CCDC170: variants seen among roughly 807,000 people sequenced by gnomAD.
The protein encoded by CCDC170 is coiled-coil domain containing 170.
CCDC170 carries 69 observed loss-of-function variants against 72.6 expected under a neutral mutation model. The observed-to-expected ratio is 0.95, with a 90% CI of 0.78 to 1.16. The LOEUF (loss-of-function observed/expected upper bound fraction) is 1.16, where lower values mean the gene tolerates loss of function less well. CCDC170 is among the 50% of genes most tolerant of loss of function. The pLI is 0.00. For missense variants in CCDC170, 852 were observed against 832.5 expected, an observed-to-expected ratio of 1.02 and a Z score of -0.29; for synonymous variants, 300 against 303.9, an observed-to-expected ratio of 0.99 and a Z score of 0.13.
intron 5 of CCDC170, among the ~76,000 whole-genome samples, chr6:151,562,846 T>C (rs982969758): frequency 4.6e-5 from 7 of 152,050 alleles, no homozygotes; most frequent in African/African-American, 1.7e-4. Flanking sequence ...TGTTGAGGTG[T>C]AGGTGTGCTG....
rs185725464 is a variant in CCDC170 at position 151,513,347 on chromosome 6, C to T, written c.57+19162C>T. Among the ~76,000 whole-genome samples, 24 of 152,204 alleles carry T rather than the reference C, an allele frequency of 1.6e-4. No homozygotes were observed. The East Asian group carries it at 3.1e-3, about 20-fold the overall frequency. ...TGCATCAGACAGGGATGGTGGCTCA[C>T]GCCTGTAATCCCAGCACTTTGGGAT... is the stretch of plus-strand genomic sequence containing the variant. On this transcript the variant is annotated intron_variant, in intron 1 of 10. Transcript: ENST00000239374.
At chr6:151,591,188 G>T (rs974622621) in intron 7 of CCDC170, among the ~76,000 whole-genome samples, 1 of 152,126 alleles carries the variant, frequency 6.6e-6, no homozygotes, top group African/African-American at 2.4e-5. Flanking sequence ...GCAGGAAGTT[G>T]TACCTATTTA....
chr6:151,577,743 C>T (rs1052589732), intron 6 of CCDC170, among the ~76,000 whole-genome samples: 2 of 152,138 alleles, frequency 1.3e-5, no homozygotes, highest in South Asian at 2.1e-4. Flanking sequence ...GGTGGGCGAG[C>T]GAGCATTGCT....
At chr6:151,494,276 C>T (rs1781877681) in intron 1 of CCDC170, 91 bp downstream of exon 1, 1 of 1,297,704 alleles carries the variant, frequency 7.7e-7, no homozygotes, top group Admixed American at 3.2e-5. Flanking sequence ...GCACCCTTTT[C>T]CTCCCGGAGG....
chr6:151,593,051 A>G, intron 7 of CCDC170, 56 bp from the exon 8 acceptor site: 1 of 1,550,002 alleles, frequency 6.5e-7, no homozygotes, highest in Non-Finnish European at 8.9e-7. Context: ...ATTCTGTGAG[A>G]TCACTCATTA....
intron 9 of CCDC170, among the ~76,000 whole-genome samples, chr6:151,602,304 A>G (rs1014361452): frequency 2.0e-5 from 3 of 152,216 alleles, no homozygotes; most frequent in African/African-American, 7.2e-5. Flanking sequence ...AAATAATTTT[A>G]TTATATTTAC....
intron 9 of CCDC170, among the ~76,000 whole-genome samples, chr6:151,600,261 G>T (rs1193339171): frequency 6.6e-5 from 10 of 152,152 alleles, no homozygotes; most frequent in Admixed American, 6.5e-4. Flanking sequence ...ATTGCCTTAA[G>T]CTTGTCCCTG....
At chr6:151,609,573 T>C (rs908923060) in intron 9 of CCDC170, among the ~76,000 whole-genome samples, 1 of 152,252 alleles carries the variant, frequency 6.6e-6, no homozygotes, top group Non-Finnish European at 1.5e-5. Flanking sequence ...GAACCTTCTC[T>C]GCCCTTGCTA....
At chr6:151,539,381 G>A (rs1386707827) in intron 3 of CCDC170, among the ~76,000 whole-genome samples, 2 of 152,186 alleles carry the variant, frequency 1.3e-5, no homozygotes, top group Non-Finnish European at 2.9e-5. Context: ...TAAATGGTCA[G>A]TCTTATCTTA....
chr6:151,615,046 G>A, intron 9 of CCDC170, among the ~76,000 whole-genome samples: 1 of 152,178 alleles, frequency 6.6e-6, no homozygotes, highest in Middle Eastern at 3.2e-3. Context: ...TAGAAGAGGG[G>A]ACATTTTGCT....
chr6:151,575,304 G>C (rs1776284576), intron 6 of CCDC170, among the ~76,000 whole-genome samples: 1 of 151,470 alleles, frequency 6.6e-6, no homozygotes, highest in South Asian at 2.1e-4. Flanking sequence ...TCAAAGTTCA[G>C]GGTTGCATTT....
At chr6:151,561,226 C>A (rs974299327) in intron 5 of CCDC170, among the ~76,000 whole-genome samples, 1 of 151,968 alleles carries the variant, frequency 6.6e-6, no homozygotes, top group Non-Finnish European at 1.5e-5. Context: ...TCCAATTATA[C>A]TCTTTTAGTT....
At chr6:151,531,130 C>T (rs1177657421) in intron 1 of CCDC170, among the ~76,000 whole-genome samples, 4 of 152,146 alleles carry the variant, frequency 2.6e-5, no homozygotes, top group Admixed American at 2.0e-4. Context: ...TCCTCCAATT[C>T]ATATGCTGAA....
intron 10 of CCDC170, 112 bp downstream of exon 10, chr6:151,615,791 A>G: frequency 2.6e-6 from 2 of 780,620 alleles, no homozygotes; most frequent in East Asian, 2.5e-5. Flanking sequence ...GGACTGTTTC[A>G]TGAATTTGTA....
chr6:151,551,790 C>G (rs1417644238), intron 5 of CCDC170, among the ~76,000 whole-genome samples: 1 of 152,128 alleles, frequency 6.6e-6, no homozygotes, highest in African/African-American at 2.4e-5. Flanking sequence ...TTAGGAGAGC[C>G]CCTGAGCCAG....
chr6:151,587,555 A>G (rs2115106801), intron 7 of CCDC170, among the ~76,000 whole-genome samples: 1 of 152,298 alleles, frequency 6.6e-6, no homozygotes, highest in Non-Finnish European at 1.5e-5. Context: ...TAAAGTTGAA[A>G]CATGTACACT....
intron 1 of CCDC170, among the ~76,000 whole-genome samples, chr6:151,530,259 A>G (rs911415514): frequency 1.3e-5 from 2 of 151,704 alleles, no homozygotes; most frequent in Admixed American, 6.6e-5. Context: ...ATTTCTTTTG[A>G]TAAGATCATG....
At chr6:151,601,331 C>A (rs1776705597) in intron 9 of CCDC170, among the ~76,000 whole-genome samples, 1 of 152,150 alleles carries the variant, frequency 6.6e-6, no homozygotes, top group Admixed American at 6.5e-5. Flanking sequence ...ATGGGAGCTA[C>A]AATTCAAGAT....
At chr6:151,532,066 G>C (rs895794100) in intron 1 of CCDC170, among the ~76,000 whole-genome samples, 2 of 152,058 alleles carry the variant, frequency 1.3e-5, no homozygotes, top group African/African-American at 4.8e-5. Flanking sequence ...TCAAGAAAAG[G>C]AATAGAGGTA....
Sources: gnomAD v4.1 joint callset for allele counts (sites outside exome capture counted in the v4.1 genomes callset) on GRCh38, gnomAD v4.1.1 for gene constraint, MANE v1.5 for transcripts, NCBI Gene and HGNC (gene_info 2026-07-23, HGNC 2026-07-21) for gene names.